The following DCUN1D1 variants were observed in gnomAD, a reference collection of about 807,000 sequenced individuals.
DCUN1D1 encodes the protein defective in cullin neddylation 1 domain containing 1.
DCUN1D1 carries 3 observed loss-of-function variants against 39.0 expected under a neutral mutation model. The observed-to-expected ratio is 0.08, with a 90% CI of 0.04 to 0.20. The LOEUF is 0.20. DCUN1D1 is among the 10% of genes least tolerant of loss of function. DCUN1D1 has a pLI of 1.00. For missense variants in DCUN1D1, 158 were observed against 302.4 expected, an observed-to-expected ratio of 0.52 and a Z score of 3.54; for synonymous variants, 82 against 96.3, an observed-to-expected ratio of 0.85 and a Z score of 0.87.
intron 1 of DCUN1D1, among the ~76,000 whole-genome samples, chr3:182,970,556 A>G (rs1355031232): frequency 6.6e-6 from 1 of 152,204 alleles, no homozygotes; most frequent in African/African-American, 2.4e-5. Flanking sequence ...CTTCAGAAAC[A>G]GACACTTAGG....
intron 3 of DCUN1D1, among the ~76,000 whole-genome samples, chr3:182,962,967 A>G (rs1352875413): frequency 4.6e-5 from 7 of 152,002 alleles, no homozygotes; most frequent in African/African-American, 1.7e-4. Context: ...TTTTGTAGAG[A>G]CGGGGTTTCT....
chr3:182,968,951 A>AT (rs2108384708), intron 1 of DCUN1D1, among the ~76,000 whole-genome samples: 1 of 152,342 alleles, frequency 6.6e-6, no homozygotes, highest in East Asian at 1.9e-4. Context: ...ATATAGGGCA[A>AT]TATCAACATA....
At chr3:182,964,552 G>A (rs1233219615) in intron 2 of DCUN1D1, among the ~76,000 whole-genome samples, 1 of 150,586 alleles carries the variant, frequency 6.6e-6, no homozygotes, top group Non-Finnish European at 1.5e-5. Context: ...ATACTTATCA[G>A]AGAGGCAAAA....
At position 182,942,668 on chromosome 3, in the gene DCUN1D1, A is replaced by C. The variant is rs568730108; in HGVS notation, c.*2426T>G. ...ATGAGGACTGAAACACTTAGGAGTT[A>C]AAGCAATTCAAGGGGCGTGTGTGTG... is the stretch of plus-strand genomic sequence containing the variant. On this transcript the variant is annotated 3_prime_UTR_variant, in exon 7 of 7. Coordinates refer to ENST00000292782, the MANE Select transcript of DCUN1D1 (RefSeq NM_020640.4). 1 of 152,214 alleles carries C rather than the reference A, an allele frequency of 6.6e-6. No homozygotes were observed. The highest frequency in any genetic ancestry group is 1.9e-4 in the East Asian group (1 of 5,182). The allele number at this position is 152,214 out of a possible 1,614,324, so 9.4% of individuals were successfully genotyped here. A position where few individuals can be genotyped will look rare whatever the true frequency, so the allele number is the denominator to read the frequency against.
intron 1 of DCUN1D1, among the ~76,000 whole-genome samples, chr3:182,968,722 C>T (rs925556421): frequency 8.5e-5 from 13 of 152,080 alleles, no homozygotes; most frequent in African/African-American, 3.1e-4. Context: ...GCCTCAGCCT[C>T]CCGAGTAGCT....
chr3:182,965,528 A>G lies in DCUN1D1; in HGVS notation c.220+9T>C, dbSNP rs749526829. 2 of 1,585,966 alleles carry G rather than the reference A, an allele frequency of 1.3e-6. No individual in the cohort carries two copies. The highest frequency in any genetic ancestry group is 2.2e-5 in the South Asian group (2 of 89,446). ...CAAAATTTACTTAAAGTCACAAGCAAGCACTCACCTTTGTATCTATTGTAC... is the reference window on the plus strand; with the variant it reads ...CAAAATTTACTTAAAGTCACAAGCAGGCACTCACCTTTGTATCTATTGTAC... On this transcript the variant is annotated intron_variant, in intron 2 of 6. Transcript: ENST00000292782.
upstream of DCUN1D1, among the ~76,000 whole-genome samples, chr3:182,983,827 A>G (rs1385104106): frequency 6.6e-6 from 1 of 152,138 alleles, no homozygotes; most frequent in African/African-American, 2.4e-5. Flanking sequence ...TCCCACCAAG[A>G]TCTCAGTACT....
rs1036931666 is a variant in DCUN1D1, at chr3:182,938,626, T to A, written c.*6468A>T. 1 of 152,320 alleles carries A rather than the reference T, an allele frequency of 6.6e-6. No homozygotes were observed. Among genetic ancestry groups the A allele is most frequent in the South Asian group, 2.1e-4 (1 of 4,826 alleles). 9.4% of individuals were successfully genotyped at this position (152,320 alleles called of 1,614,324 possible). A position where few individuals can be genotyped will look rare whatever the true frequency, so the allele number is the denominator to read the frequency against. On this transcript the variant is annotated 3_prime_UTR_variant, in exon 7 of 7. Coordinates refer to ENST00000292782, the MANE Select transcript of DCUN1D1 (RefSeq NM_020640.4). Reference sequence around the variant, plus strand: ...TTAACATGAGTTCATTATGCAATTGTCCTTTTACATATACCTGACATACGC... The same window carrying A: ...TTAACATGAGTTCATTATGCAATTGACCTTTTACATATACCTGACATACGC...
Position 182,938,146 on chromosome 3 carries a change from T to C in DCUN1D1, c.*6948A>G. On this transcript the variant is annotated 3_prime_UTR_variant, in exon 7 of 7. Transcript: ENST00000292782. ...ATAGCTTCTTATATACTACATTAAC[T>C]TGAAAAATATATTCGTTAGAATTTT... 1 of 152,298 alleles carries C rather than the reference T, an allele frequency of 6.6e-6. No individual in the cohort carries two copies. 9.4% of individuals were successfully genotyped at this position (152,298 alleles called of 1,614,324 possible).
At chr3:182,978,246 C>T (rs185995015) in intron 1 of DCUN1D1, among the ~76,000 whole-genome samples, 6 of 152,234 alleles carry the variant, frequency 3.9e-5, no homozygotes, top group Admixed American at 3.9e-4. Flanking sequence ...GCTGCAGCTA[C>T]AGACACCAAA....
chr3:182,977,921 T>C (rs1728323049), intron 1 of DCUN1D1, among the ~76,000 whole-genome samples: 2 of 151,258 alleles, frequency 1.3e-5, no homozygotes, highest in African/African-American at 4.9e-5. Flanking sequence ...GCACCTATAA[T>C]CCCAGCTACT....
chr3:182,980,730 C>T (rs1384839320), upstream of DCUN1D1: 1 of 157,488 alleles, frequency 6.3e-6, no homozygotes, highest in African/African-American at 2.6e-5. Flanking sequence ...TGGGCGGGGG[C>T]GGGGGGCGCG....
At chr3:182,950,363 G>C (rs1421017552) in intron 4 of DCUN1D1, among the ~76,000 whole-genome samples, 1 of 151,820 alleles carries the variant, frequency 6.6e-6, no homozygotes, top group Non-Finnish European at 1.5e-5. Context: ...GGCCAGGATG[G>C]TCTCTATCTC....
rs1428806038 is a variant in DCUN1D1 at position 182,943,768 on chromosome 3, T to C, written c.*1326A>G. 2.0e-5 allele frequency: 3 copies of C among 152,646 alleles called. No individual in the cohort carries two copies. Among genetic ancestry groups the C allele is most frequent in the Non-Finnish European group, 2.9e-5 (2 of 68,030 alleles). 9.5% of individuals were successfully genotyped at this position (152,646 alleles called of 1,614,324 possible). A position where few individuals can be genotyped will look rare whatever the true frequency, so the allele number is the denominator to read the frequency against. On this transcript the variant is annotated 3_prime_UTR_variant, in exon 7 of 7. Transcript: ENST00000292782. ...GTAAGTGAACAGGGAAATGACCATT[T>C]TCAGCATAAAAGCAGCTCATGGGGC...
chr3:182,947,311 T>G lies in DCUN1D1; in HGVS notation c.627A>C (p.Pro209=), dbSNP rs376983600. The G allele has an allele frequency of 6.8e-6, 11 of 1,608,722 alleles. No individual in the cohort carries two copies. Among genetic ancestry groups the G allele is most frequent in the Non-Finnish European group, 9.3e-6 (11 of 1,177,452 alleles). ...CTAAAAGAAGATTCCAAGTGTCTTT[T>G]GGTATTGATCGTTTATGATGTTCCT... ...FLLEHHKRSI[P]KDTWNLLLDF... The change falls in exon 6 of 7, where the codon CCA becomes CCC. Residue 209 remains proline (P), a synonymous_variant. Transcript: ENST00000292782.
upstream of DCUN1D1, chr3:182,980,549 G>A: frequency 1.7e-6 from 2 of 1,207,486 alleles, no homozygotes; most frequent in South Asian, 2.1e-5. Context: ...GGACGGCGGC[G>A]GCGGCGGCGG....
chr3:182,965,783 CTA>C, intron 1 of DCUN1D1, 30 bp from the exon 2 acceptor site: 1 of 1,480,906 alleles, frequency 6.8e-7, no homozygotes, highest in Non-Finnish European at 9.4e-7. Context: ...AACTGAAACT[CTA>C]TGTAAAATCA....
intron 4 of DCUN1D1, among the ~76,000 whole-genome samples, chr3:182,958,181 T>A (rs528763677): frequency 6.6e-6 from 1 of 151,458 alleles, no homozygotes; most frequent in South Asian, 2.1e-4. Context: ...ACTCTGCAAA[T>A]AAGCAAGTCA....
rs1577147511 is a variant in DCUN1D1, at chr3:182,939,189, G to A, written c.*5905C>T. The A allele has an allele frequency of 6.6e-6, 1 of 152,190 alleles. No homozygotes were observed. Among genetic ancestry groups the A allele is most frequent in the African/African-American group, 2.4e-5 (1 of 41,450 alleles). The allele number at this position is 152,190 out of a possible 1,614,324, so 9.4% of individuals were successfully genotyped here. ...CACACATAAAGTAAATACCCGCCAG[G>A]ATGGCTGCAATAAAAAAGACAAGTA... On this transcript the variant is annotated 3_prime_UTR_variant, in exon 7 of 7. Coordinates refer to ENST00000292782, the MANE Select transcript of DCUN1D1 (RefSeq NM_020640.4).
Sources: allele counts gnomAD v4.1 joint callset (sites outside exome capture counted in the v4.1 genomes callset), GRCh38; gene constraint gnomAD v4.1.1; transcripts MANE v1.5; gene names NCBI Gene and HGNC (gene_info 2026-07-23, HGNC 2026-07-21).